Variants in NALCN observed in about 807,000 individuals in gnomAD.
NALCN encodes sodium leak channel, non-selective.
A neutral mutation model predicts 225.3 loss-of-function variants in NALCN; 111 were observed. That is an observed-to-expected ratio of 0.49 (90% CI 0.42 to 0.58). NALCN has a LOEUF of 0.58. NALCN is among the 20% of genes least tolerant of loss of function. The pLI is 0.00. For missense variants in NALCN, 1,378 were observed against 2,202.4 expected (o/e 0.63, Z 7.49); for synonymous variants, 764 against 769.0 (o/e 0.99, Z 0.11).
At chr13:101,234,506 T>C (rs1026697909) in intron 12 of NALCN, among the ~76,000 whole-genome samples, 1 of 152,188 alleles carries the variant, frequency 6.6e-6, no homozygotes, top group South Asian at 2.1e-4. Context: ...TGAGGACCAA[T>C]AGGGAAGACC....
Position 101,397,530 on chromosome 13 carries a change from A to G in NALCN, c.108+1489T>C, listed in dbSNP as rs192135545. ...CATGTATATATGTTATATACACATG[A>G]TATTTATATGTGTGGGTAATATGCA... On this transcript the variant is annotated intron_variant, in intron 2 of 43. Coordinates refer to ENST00000251127, the MANE Select transcript of NALCN (RefSeq NM_052867.4). Among the ~76,000 whole-genome samples the G allele has an allele frequency of 1.1e-3, 160 of 151,314 alleles. 3 individuals carry two copies. Among genetic ancestry groups the G allele is most frequent in the African/African-American group, 3.2e-3 (134 of 41,330 alleles).
At chr13:101,143,246 T>A (rs934590512) in intron 16 of NALCN, 25 bp from the exon 17 acceptor site, 2 of 1,580,722 alleles carry the variant, frequency 1.3e-6, no homozygotes, top group Non-Finnish European at 1.7e-6. Flanking sequence ...TATATGTGCA[T>A]CAGGCATTAT....
At chr13:101,165,382 CCTT>C (rs1218181235) in intron 15 of NALCN, among the ~76,000 whole-genome samples, 3 of 152,168 alleles carry the variant, frequency 2.0e-5, no homozygotes, top group Non-Finnish European at 4.4e-5. Context: ...CTAACCACCT[CCTT>C]ATTGTTAATA....
chr13:101,128,893 A>T lies in NALCN; in HGVS notation c.2119-4212T>A, dbSNP rs151287318. On this transcript the variant is annotated intron_variant, in intron 17 of 43. Transcript: ENST00000251127. The stretch of plus-strand genomic sequence containing the variant: ...AGAGTCTGGATTTTGCTGAAAGCAC[A>T]CTCTTGGTACAGTTCAACACGTTCT... Among the ~76,000 whole-genome samples, 168 of 151,914 alleles carry T rather than the reference A, an allele frequency of 1.1e-3. 1 individual carries two copies. Among genetic ancestry groups the T allele is most frequent in the Middle Eastern group, 0.01 (3 of 294 alleles).
chr13:101,162,516 C>T (rs1392820019), intron 15 of NALCN, among the ~76,000 whole-genome samples: 4 of 152,186 alleles, frequency 2.6e-5, no homozygotes, highest in Non-Finnish European at 2.9e-5. Context: ...TAGGTCCACA[C>T]AGGGTAAACC....
At position 101,190,192 on chromosome 13, in the gene NALCN, T is replaced by C. The variant is rs1164093607; in HGVS notation, c.1764+1725A>G. Reference sequence around the variant, plus strand: ...CATTTTCAGTGAGGAAAGTAAACCATTTTGTTGCTTTATTAGGAAAACGAT... The same window carrying C: ...CATTTTCAGTGAGGAAAGTAAACCACTTTGTTGCTTTATTAGGAAAACGAT... On this transcript the variant is annotated intron_variant, in intron 14 of 43. Transcript: ENST00000251127. Among the ~76,000 whole-genome samples the C allele has an allele frequency of 4.6e-5, 7 of 152,176 alleles. No individual in the cohort carries two copies. In the East Asian group the frequency reaches 1.2e-3, roughly 25 times the overall value.
intron 7 of NALCN, among the ~76,000 whole-genome samples, chr13:101,332,396 C>T (rs1426127467): frequency 5.6e-5 from 2 of 35,460 alleles, no homozygotes; most frequent in Non-Finnish European, 1.2e-4. Flanking sequence ...ATTCACAAAG[C>T]CAAAAAAAAA....
chr13:101,312,744 G>A (rs1400772588), intron 7 of NALCN, among the ~76,000 whole-genome samples: 1 of 152,048 alleles, frequency 6.6e-6, no homozygotes, highest in African/African-American at 2.4e-5. Context: ...TATAATTTCT[G>A]TTCTTTTACA....
In NALCN at chr13:101,346,057, T is replaced by TTCTCTCTCTCTC. The variant is rs767899309; in HGVS notation, c.645-649_645-638dup. On this transcript the variant is annotated intron_variant, in intron 6 of 43. Transcript: ENST00000251127. ...TATATATATGAGACCTTGAGAGACT[T>TTCTCTCTCTCTC]TCTCTCTCTCTCTCTCTCTCTCTCT... is the stretch of plus-strand genomic sequence containing the variant. Among the ~76,000 whole-genome samples the TTCTCTCTCTCTC allele has an allele frequency of 4.3e-3, 326 of 75,420 alleles. 5 individuals carry two copies. Among genetic ancestry groups the TTCTCTCTCTCTC allele is most frequent in the East Asian group, 0.011 (30 of 2,710 alleles). 49.5% of individuals were successfully genotyped at this position (75,420 alleles called of 152,430 possible).
chr13:101,056,821 G>A (rs2031323921), intron 43 of NALCN: 1 of 152,104 alleles, frequency 6.6e-6, no homozygotes, highest in South Asian at 2.1e-4. Context: ...GTCACATACT[G>A]CTCAGAAATC....
At chr13:101,231,610 G>C (rs2041351820) in intron 12 of NALCN, among the ~76,000 whole-genome samples, 1 of 152,056 alleles carries the variant, frequency 6.6e-6, no homozygotes, top group African/African-American at 2.4e-5. Context: ...TATTAACATA[G>C]GAAAATTGCA....
chr13:101,398,022 A>T (rs2047365318), intron 2 of NALCN, among the ~76,000 whole-genome samples: 1 of 152,132 alleles, frequency 6.6e-6, no homozygotes, highest in Non-Finnish European at 1.5e-5. Flanking sequence ...GAGGAGTAGG[A>T]GGCTGCTGAT....
chr13:101,311,367 A>C (rs1307034069), intron 7 of NALCN, among the ~76,000 whole-genome samples: 18 of 151,618 alleles, frequency 1.2e-4, no homozygotes, highest in Admixed American at 2.0e-4. Context: ...TCTCCTGCCT[A>C]ATTGCCCTGG....
chr13:101,277,238 A>T (rs2042998958), intron 10 of NALCN, among the ~76,000 whole-genome samples: 1 of 152,132 alleles, frequency 6.6e-6, no homozygotes, highest in Non-Finnish European at 1.5e-5. Context: ...ATGAGGATAC[A>T]GAGTAGAAAA....
intron 18 of NALCN, among the ~76,000 whole-genome samples, chr13:101,119,232 A>G (rs529828426): frequency 6.6e-6 from 1 of 152,330 alleles, no homozygotes; most frequent in East Asian, 1.9e-4. Flanking sequence ...TATAAGTTGT[A>G]TTTATAGTCA....
chr13:101,130,293 C>T (rs1490660158), intron 17 of NALCN, among the ~76,000 whole-genome samples: 1 of 152,170 alleles, frequency 6.6e-6, no homozygotes, highest in Non-Finnish European at 1.5e-5. Context: ...AAGAAAACTA[C>T]TGAATATCTT....
Position 101,405,529 on chromosome 13 carries a change from T to C in NALCN, c.-39-6364A>G, listed in dbSNP as rs147078127. ...GAGTGTCCTCTCTGTGCATCTTGAG[T>C]GTATGAACTTCCCCTCTTTCTCTGA... On this transcript the variant is annotated intron_variant, in intron 1 of 43. Coordinates refer to ENST00000251127, the MANE Select transcript of NALCN (RefSeq NM_052867.4). 2.6e-3 allele frequency among the ~76,000 whole-genome samples: 401 copies of C among 151,956 alleles called. 1 individual carries two copies. Among genetic ancestry groups the C allele is most frequent in the African/African-American group, 8.6e-3 (357 of 41,410 alleles).
At chr13:101,061,441 G>T (rs1020241671) in intron 41 of NALCN, among the ~76,000 whole-genome samples, 5 of 151,462 alleles carry the variant, frequency 3.3e-5, no homozygotes, top group Non-Finnish European at 7.4e-5. Context: ...GAGTGCAGTG[G>T]CATGATCTCA....
intron 6 of NALCN, among the ~76,000 whole-genome samples, chr13:101,360,128 T>TTTTC (rs139137569): frequency 0.011 from 1,566 of 147,676 alleles, 35 homozygotes; most frequent in African/African-American, 0.039. Flanking sequence ...TTCCTTTCTT[T>TTTTC]TTTCTTTCTT....
Sources: gnomAD v4.1 joint callset for allele counts (sites outside exome capture counted in the v4.1 genomes callset) on GRCh38, gnomAD v4.1.1 for gene constraint, MANE v1.5 for transcripts, NCBI Gene and HGNC (gene_info 2026-07-23, HGNC 2026-07-21) for gene names.